The following COL21A1 variants were observed in gnomAD, a reference collection of about 807,000 sequenced individuals.
COL21A1 encodes collagen type XXI alpha 1 chain.
In COL21A1, 149 loss-of-function variants were observed where a neutral mutation model predicts 137.9. The observed-to-expected ratio is 1.08, with a 90% CI of 0.95 to 1.24. The LOEUF is 1.24. Ranked by LOEUF, COL21A1 falls within the 50% of genes most tolerant of loss-of-function variation. COL21A1 has a pLI of 0.00. For missense variants in COL21A1, 1,167 were observed against 1,158.4 expected (o/e 1.01, Z -0.11); for synonymous variants, 456 against 391.5 (o/e 1.16, Z -1.95).
intron 16 of COL21A1, among the ~76,000 whole-genome samples, chr6:56,106,817 C>T (rs1480177505): frequency 2.6e-5 from 4 of 151,052 alleles, no homozygotes; most frequent in Non-Finnish European, 4.4e-5. Context: ...GACAGAGTTT[C>T]GCTCTGTCGC....
chr6:56,096,003 C>T (rs764306343), intron 17 of COL21A1, among the ~76,000 whole-genome samples: 4 of 151,980 alleles, frequency 2.6e-5, no homozygotes, highest in Non-Finnish European at 5.9e-5. Context: ...CCCACCACCA[C>T]GCCTGGCTGA....
chr6:56,371,501 C>A (rs1029199126), intron 1 of COL21A1, among the ~76,000 whole-genome samples: 4 of 152,142 alleles, frequency 2.6e-5, no homozygotes, highest in African/African-American at 9.7e-5. Flanking sequence ...CCCAAGTTCC[C>A]CCCATTCACG....
At chr6:56,260,586 AAG>A (rs1562028643) in intron 1 of COL21A1, among the ~76,000 whole-genome samples, 1 of 18,282 alleles carries the variant, frequency 5.5e-5, no homozygotes, top group African/African-American at 8.4e-5. Context: ...AAAAAAAAGA[AAG>A]AAGAAGAAGA....
At chr6:56,315,233 T>C (rs1764704697) in intron 1 of COL21A1, among the ~76,000 whole-genome samples, 1 of 152,156 alleles carries the variant, frequency 6.6e-6, no homozygotes, top group South Asian at 2.1e-4. Context: ...GTGACTGTGT[T>C]CTCCACCTGT....
At chr6:56,369,743 A>G (rs1309829949) in intron 1 of COL21A1, among the ~76,000 whole-genome samples, 4 of 152,242 alleles carry the variant, frequency 2.6e-5, no homozygotes, top group African/African-American at 9.6e-5. Flanking sequence ...CCAAAGAAGA[A>G]TCACATAAAT....
At chr6:56,174,866 C>A (rs961470610) in intron 3 of COL21A1, among the ~76,000 whole-genome samples, 2 of 151,974 alleles carry the variant, frequency 1.3e-5, no homozygotes, top group African/African-American at 4.8e-5. Context: ...AATAAAACTA[C>A]AAGCCAATAT....
intron 1 of COL21A1, among the ~76,000 whole-genome samples, chr6:56,221,595 C>CGG (rs1339259736): frequency 1.3e-5 from 2 of 152,076 alleles, no homozygotes; most frequent in Non-Finnish European, 2.9e-5. Context: ...TGTCGTGTCA[C>CGG]ACACCTATAA....
chr6:56,215,452 C>G lies in COL21A1; in HGVS notation c.-39+31935G>C, dbSNP rs144687373. On this transcript the variant is annotated intron_variant, in intron 1 of 29. Transcript: ENST00000244728. ...ACTATGGATCAAGATGGAAATGTTT[C>G]TGGAGATTTGCCCAAATCTAAGCAC... 5.3e-5 allele frequency among the ~76,000 whole-genome samples: 8 copies of G among 152,142 alleles called. No homozygotes were observed. In the East Asian group the frequency reaches 1.4e-3, roughly 26 times the overall value.
intron 10 of COL21A1, among the ~76,000 whole-genome samples, chr6:56,143,974 C>T (rs1449042374): frequency 1.3e-5 from 2 of 152,170 alleles, no homozygotes; most frequent in South Asian, 4.1e-4. Flanking sequence ...TTAGTAATCT[C>T]ATGTTTCCTG....
At chr6:56,110,034 G>C (rs762378249) in intron 16 of COL21A1, among the ~76,000 whole-genome samples, 2 of 151,762 alleles carry the variant, frequency 1.3e-5, no homozygotes, top group Non-Finnish European at 3.0e-5. Context: ...TCACGAAAAA[G>C]AAAACTGCTG....
At chr6:56,312,583 T>C (rs897118712) in intron 1 of COL21A1, among the ~76,000 whole-genome samples, 3 of 152,170 alleles carry the variant, frequency 2.0e-5, no homozygotes, top group African/African-American at 7.2e-5. Context: ...GGTACTTAGA[T>C]ACTTAGCTCA....
chr6:56,387,134 G>A (rs2094019649), intron 1 of COL21A1, among the ~76,000 whole-genome samples: 1 of 152,078 alleles, frequency 6.6e-6, no homozygotes, highest in Non-Finnish European at 1.5e-5. Flanking sequence ...CTGATTTCAG[G>A]GACAGCTGAG....
At chr6:56,388,114 T>C (rs999708900) in intron 1 of COL21A1, among the ~76,000 whole-genome samples, 1 of 152,184 alleles carries the variant, frequency 6.6e-6, no homozygotes, top group Non-Finnish European at 1.5e-5. Context: ...CCAAAGCCCC[T>C]GATTGCAAGC....
At chr6:56,237,200 G>A (rs1046067493) in intron 1 of COL21A1, among the ~76,000 whole-genome samples, 2 of 151,988 alleles carry the variant, frequency 1.3e-5, no homozygotes, top group Non-Finnish European at 2.9e-5. Flanking sequence ...GCAAAGTAGT[G>A]CACTCTAAAG....
At chr6:56,123,972 A>C (rs1772780501) in intron 16 of COL21A1, 90 bp downstream of exon 16, 2 of 1,173,932 alleles carry the variant, frequency 1.7e-6, no homozygotes, top group Middle Eastern at 3.0e-4. Context: ...CACATGTTAA[A>C]AAATTTTAAT....
chr6:56,232,735 C>T (rs1276854300), intron 1 of COL21A1, among the ~76,000 whole-genome samples: 7 of 151,878 alleles, frequency 4.6e-5, no homozygotes, highest in Non-Finnish European at 8.8e-5. Flanking sequence ...CATCCAAATG[C>T]TTTTCATAAG....
intron 10 of COL21A1, among the ~76,000 whole-genome samples, chr6:56,153,111 T>C (rs1425339450): frequency 2.0e-5 from 3 of 152,218 alleles, no homozygotes; most frequent in African/African-American, 7.2e-5. Context: ...AGGGAAATTA[T>C]AAGGCAAATG....
chr6:56,339,518 GA>G lies in COL21A1; in HGVS notation c.-39+54452del, dbSNP rs1241364598. On this transcript the variant is annotated intron_variant, in intron 1 of 28. Transcript: ENST00000370819. Reference sequence around the variant, plus strand: ...AAAAGAGTTTTGAATTACTGATCTAGAATATGAATTTATGTTGTTGATAGTC... The same window carrying G: ...AAAAGAGTTTTGAATTACTGATCTAGATATGAATTTATGTTGTTGATAGTC... 3.3e-5 allele frequency among the ~76,000 whole-genome samples: 5 copies of G among 152,114 alleles called. No individual in the cohort carries two copies. In the East Asian group the frequency reaches 7.8e-4, roughly 24 times the overall value.
chr6:56,260,647 G>GAAAAAA (rs1562028844), intron 1 of COL21A1, among the ~76,000 whole-genome samples: 9 of 58,836 alleles, frequency 1.5e-4, no homozygotes, highest in Middle Eastern at 9.1e-3. Context: ...AAGGAAGGAA[G>GAAAAAA]GAAGGAAGGA....
Sources: gnomAD v4.1 joint callset for allele counts (sites outside exome capture counted in the v4.1 genomes callset) on GRCh38, gnomAD v4.1.1 for gene constraint, MANE v1.5 for transcripts, NCBI Gene and HGNC (gene_info 2026-07-23, HGNC 2026-07-21) for gene names.